The following AKR7A3 variants were observed in gnomAD, a reference collection of about 807,000 sequenced individuals.
The protein encoded by AKR7A3 is AFB1 aldehyde reductase 2.
AKR7A3 carries 37 observed loss-of-function variants against 32.5 expected under a neutral mutation model. The observed-to-expected ratio is 1.14, with a 90% CI of 0.88 to 1.50. The LOEUF is 1.50. Among genes scored for constraint, AKR7A3 ranks in the 40% most tolerant of loss-of-function variants. AKR7A3 has a pLI of 0.00. For synonymous variants in AKR7A3, 177 were observed against 188.4 expected (o/e 0.94, Z 0.50); for missense variants, 412 against 453.2 (o/e 0.91, Z 0.83).
chr1:19,281,616 C>T (rs2151980582), downstream of AKR7A3, among the ~76,000 whole-genome samples: 1 of 151,792 alleles, frequency 6.6e-6, no homozygotes, highest in East Asian at 1.9e-4. Context: ...GCCTGGGAGG[C>T]AGAGCGAGAC....
At chr1:19,283,886 A>G in intron 6 of AKR7A3, 110 bp downstream of exon 6, 1 of 1,544,188 alleles carries the variant, frequency 6.5e-7, no homozygotes, top group Non-Finnish European at 8.8e-7. Flanking sequence ...GAGAGTTGAA[A>G]GAAAGAGAAA....
chr1:19,284,807 C>T (rs752820582), intron 4 of AKR7A3, 22 bp from the exon 5 acceptor site: 1 of 1,612,300 alleles, frequency 6.2e-7, no homozygotes, highest in East Asian at 2.2e-5. Context: ...CAGCAATCAG[C>T]CCCGGGGCCT....
intron 6 of AKR7A3, among the ~76,000 whole-genome samples, chr1:19,283,627 T>C (rs963928598): frequency 6.6e-6 from 1 of 151,912 alleles, no homozygotes; most frequent in Non-Finnish European, 1.5e-5. Flanking sequence ...TTCAGGAATT[T>C]GAGACCAGCC....
At chr1:19,287,601 C>T (rs1365377371) in intron 1 of AKR7A3, among the ~76,000 whole-genome samples, 2 of 151,962 alleles carry the variant, frequency 1.3e-5, no homozygotes, top group Non-Finnish European at 2.9e-5. Flanking sequence ...CCTCCTGCCC[C>T]TATACACACA....
At chr1:19,285,237 T>C (rs2151981853) in intron 3 of AKR7A3, 123 bp from the exon 4 acceptor site, 1 of 908,272 alleles carries the variant, frequency 1.1e-6, no homozygotes, top group South Asian at 1.6e-5. Flanking sequence ...TCTGGGCGTA[T>C]ACTTATTCTA....
At position 19,286,213 on chromosome 1, in the gene AKR7A3, A is replaced by G. The variant is rs1382137036; in HGVS notation, c.374T>C (p.Leu125Pro). Residue 125 changes from leucine to proline, a missense_variant, in exon 2 of 7, where the codon CTG (leucine) becomes CCG (proline). By Grantham distance (98) the Leu-to-Pro change is moderately conservative. Transcript: ENST00000361640. ...CTGGTGCAGCTGGTGGCAGGCACGC[A>G]GTGTCTCTTCCACCGGGGTGCTGTG... ...PDHSTPVEET[L>P]RACHQLHQEG... The G allele has an allele frequency of 1.9e-6, 3 of 1,613,054 alleles. No homozygotes were observed. Among genetic ancestry groups the G allele is most frequent in the South Asian group, 2.2e-5 (2 of 91,032 alleles).
intron 3 of AKR7A3, among the ~76,000 whole-genome samples, chr1:19,285,461 C>T: frequency 1.3e-5 from 2 of 151,548 alleles, no homozygotes; most frequent in Non-Finnish European, 2.9e-5. Context: ...GTGACCAGTG[C>T]CTGGCACCAA....
chr1:19,281,416 C>T (rs1189695562), downstream of AKR7A3, among the ~76,000 whole-genome samples: 1 of 151,732 alleles, frequency 6.6e-6, no homozygotes, highest in Non-Finnish European at 1.5e-5. Context: ...TGGGGCACAT[C>T]AACTGAGGTC....
the AKR7A3 span, among the ~76,000 whole-genome samples, chr1:19,276,906 G>T: frequency 6.6e-6 from 1 of 151,722 alleles, no homozygotes; most frequent in African/African-American, 2.4e-5. Flanking sequence ...GAGGTTAGGG[G>T]TTCTCTAGAT....
chr1:19,282,818 C>T lies in AKR7A3; in HGVS notation c.909G>A (p.Glu303=), dbSNP rs1331545280. The part of the protein sequence containing the change: ...EQLEQNLAAA[E]EGPLEPAVVD... ...CGACAGCCGGCTCCAGGGGCCCTTC[C>T]TCTGCCGCTGCCAAGTTCTGCTCCA... The change falls in exon 7 of 7, where the codon GAG becomes GAA. Residue 303 remains glutamate (E), a synonymous_variant. Coordinates refer to ENST00000361640, the MANE Select transcript of AKR7A3 (RefSeq NM_012067.3). 2 of 1,613,272 alleles carry T rather than the reference C, an allele frequency of 1.2e-6. No individual in the cohort carries two copies. Among genetic ancestry groups the T allele is most frequent in the Non-Finnish European group, 1.7e-6 (2 of 1,180,002 alleles).
chr1:19,280,861 C>T (rs530793988), downstream of AKR7A3, among the ~76,000 whole-genome samples: 37 of 151,918 alleles, frequency 2.4e-4, no homozygotes, highest in South Asian at 6.0e-3. Flanking sequence ...TGAGCCACCG[C>T]GCCCGGCCTA....
At chr1:19,275,199 T>C in the AKR7A3 span, among the ~76,000 whole-genome samples, 1 of 150,394 alleles carries the variant, frequency 6.6e-6, no homozygotes, top group African/African-American at 2.5e-5. Flanking sequence ...TCACCTGAGG[T>C]CAAGAGTTGG....
At chr1:19,283,882 T>G in intron 6 of AKR7A3, 114 bp downstream of exon 6, 3 of 1,529,040 alleles carry the variant, frequency 2.0e-6, no homozygotes, top group Non-Finnish European at 2.6e-6. Context: ...TTGTGAGAGT[T>G]GAAAGAAAGA....
chr1:19,280,976 T>A (rs112924104), downstream of AKR7A3, among the ~76,000 whole-genome samples: 145 of 152,070 alleles, frequency 9.5e-4, no homozygotes, highest in South Asian at 0.015. Context: ...TCCATTGATT[T>A]ATGTCTAGCC....
rs545093216 is a variant in AKR7A3 at position 19,286,296 on chromosome 1, C to T, written c.291G>A (p.Thr97=). The T allele has an allele frequency of 4.2e-5, 68 of 1,613,918 alleles. 1 individual carries two copies. In the South Asian group the frequency reaches 5.8e-4, roughly 14 times the overall value. Reference sequence around the variant, plus strand: ...GGGGACACTGCAGCCGCTTCAGTGACGTCTCCAGCTGGAACCGGAGACTGT... The same window carrying T: ...GGGGACACTGCAGCCGCTTCAGTGATGTCTCCAGCTGGAACCGGAGACTGT... The part of the protein sequence containing the change: ...KPDSLRFQLE[T]SLKRLQCPRV... The change falls in exon 2 of 7, where the codon ACG becomes ACA. Residue 97 remains threonine (T), a synonymous_variant. Transcript: ENST00000361640.
chr1:19,284,797 C>G lies in AKR7A3; in HGVS notation c.605-12G>C, dbSNP rs568602361. On this transcript the variant is annotated splice_polypyrimidine_tract_variant and intron_variant, in intron 4 of 6. Transcript: ENST00000361640. The stretch of plus-strand genomic sequence containing the variant: ...GGTCAGCAGGCCCCCTGAGGGAAAG[C>G]AGCAATCAGCCCCGGGGCCTAGAGT... 2.5e-6 allele frequency: 4 copies of G among 1,613,372 alleles called. No homozygotes were observed. The highest frequency in any genetic ancestry group is 1.7e-5 in the Admixed American group (1 of 60,024).
the AKR7A3 span, among the ~76,000 whole-genome samples, chr1:19,274,961 AT>A: frequency 2.2e-4 from 33 of 150,040 alleles, no homozygotes; most frequent in Non-Finnish European, 4.0e-4. Flanking sequence ...AGCAAGATTA[AT>A]TTAAACCCAA....
the AKR7A3 span, among the ~76,000 whole-genome samples, chr1:19,274,490 CG>C: frequency 6.6e-6 from 1 of 151,690 alleles, no homozygotes; most frequent in African/African-American, 2.4e-5. Context: ...GGGAGCTTAA[CG>C]GGTGTGGTGG....
chr1:19,284,579 G>A (rs748444280), intron 5 of AKR7A3, 107 bp downstream of exon 5: 9 of 1,179,418 alleles, frequency 7.6e-6, no homozygotes, highest in Non-Finnish European at 8.7e-6. Flanking sequence ...ATTCAGGGGA[G>A]TAGGTGCAGC....
Sources: gnomAD v4.1 joint callset for allele counts (sites outside exome capture counted in the v4.1 genomes callset) on GRCh38, gnomAD v4.1.1 for gene constraint, MANE v1.5 for transcripts, NCBI Gene and HGNC (gene_info 2026-07-23, HGNC 2026-07-21) for gene names.